Variants in LSAMP observed in about 807,000 individuals in gnomAD.
The protein encoded by LSAMP is limbic system-associated membrane protein.
In LSAMP, 7 loss-of-function variants were observed where a neutral mutation model predicts 38.6. That is an observed-to-expected ratio of 0.18 (90% confidence interval 0.10 to 0.34). The LOEUF is 0.34. Ranked by LOEUF, LSAMP falls within the 10% of genes least tolerant of loss-of-function variation. The pLI is 1.00. For missense variants in LSAMP, 313 were observed against 420.0 expected (o/e 0.75, Z 2.23); for synonymous variants, 154 against 166.8 (o/e 0.92, Z 0.59).
chr3:115,997,977 C>T (rs750969983), intron 3 of LSAMP, among the ~76,000 whole-genome samples: 2 of 147,380 alleles, frequency 1.4e-5, no homozygotes, highest in Non-Finnish European at 3.0e-5. Context: ...TTCTATATAT[C>T]GTGTGTGTGA....
At chr3:116,234,318 G>A (rs147284626) in intron 1 of LSAMP, among the ~76,000 whole-genome samples, 7 of 152,252 alleles carry the variant, frequency 4.6e-5, no homozygotes, top group African/African-American at 7.2e-5. Context: ...ATGAAAGGGC[G>A]TTCACGGGGA....
chr3:116,004,139 T>C (rs576861886), intron 3 of LSAMP, among the ~76,000 whole-genome samples: 1 of 152,304 alleles, frequency 6.6e-6, no homozygotes, highest in East Asian at 1.9e-4. Flanking sequence ...TAATATTTAT[T>C]ACTAAAAATC....
rs569225248 is a variant in LSAMP at position 116,102,585 on chromosome 3, A to T, written c.156-16029T>A. On this transcript the variant is annotated intron_variant, in intron 1 of 6. Coordinates refer to ENST00000490035, the MANE Select transcript of LSAMP (RefSeq NM_002338.5). ...AAGGCCTGAATAGAATAAAAGGCTA[A>T]GTAAGAAAGAATTATCTCTCATTAC... 3.9e-3 allele frequency among the ~76,000 whole-genome samples: 601 copies of T among 152,348 alleles called. 2 individuals carry two copies. Among genetic ancestry groups the T allele is most frequent in the Admixed American group, 6.9e-3 (106 of 15,292 alleles).
intron 1 of LSAMP, 42 bp downstream of exon 1, chr3:116,444,835 C>T (rs1416451160): frequency 8.7e-6 from 14 of 1,611,422 alleles, no homozygotes; most frequent in South Asian, 2.2e-5. Context: ...CACACACACA[C>T]GTGTAGACGC....
intron 1 of LSAMP, among the ~76,000 whole-genome samples, chr3:116,097,808 C>T (rs981099435): frequency 1.3e-4 from 20 of 151,876 alleles, no homozygotes; most frequent in Non-Finnish European, 1.5e-5. Context: ...TGATCTCAGC[C>T]CACTGCAACC....
intron 2 of LSAMP, among the ~76,000 whole-genome samples, chr3:116,084,036 G>A (rs1348036121): frequency 6.6e-6 from 1 of 152,214 alleles, no homozygotes; most frequent in South Asian, 2.1e-4. Context: ...AAATACAATA[G>A]TATCCTGAAT....
intron 3 of LSAMP, among the ~76,000 whole-genome samples, chr3:115,922,662 C>G (rs1937409197): frequency 6.6e-6 from 1 of 152,126 alleles, no homozygotes; most frequent in Non-Finnish European, 1.5e-5. Flanking sequence ...GAAAAGACAG[C>G]CATCTTACCC....
intron 1 of LSAMP, among the ~76,000 whole-genome samples, chr3:116,298,487 G>GGGA (rs2047366061): frequency 6.6e-6 from 1 of 152,026 alleles, no homozygotes; most frequent in South Asian, 2.1e-4. Context: ...GCTGGAGAAG[G>GGGA]GGAGGAGGAG....
chr3:115,849,207 C>T (rs189257968), intron 4 of LSAMP, among the ~76,000 whole-genome samples: 9 of 152,228 alleles, frequency 5.9e-5, no homozygotes, highest in South Asian at 2.1e-4. Flanking sequence ...TTTAGCTTTC[C>T]GTAAATTCCA....
intron 1 of LSAMP, among the ~76,000 whole-genome samples, chr3:116,134,043 T>G (rs1709191866): frequency 6.6e-6 from 1 of 152,158 alleles, no homozygotes; most frequent in South Asian, 2.1e-4. Context: ...AACTAGAATA[T>G]GATCTGAACA....
At chr3:116,334,681 T>A (rs1476394827) in intron 1 of LSAMP, among the ~76,000 whole-genome samples, 2 of 152,008 alleles carry the variant, frequency 1.3e-5, no homozygotes, top group Non-Finnish European at 2.9e-5. Flanking sequence ...AAGATGATAG[T>A]TTACAAAATT....
intron 1 of LSAMP, among the ~76,000 whole-genome samples, chr3:116,333,205 A>C (rs2047873696): frequency 6.6e-6 from 1 of 152,116 alleles, no homozygotes; most frequent in South Asian, 2.1e-4. Flanking sequence ...GGATATTTTT[A>C]ATGATTGACC....
At chr3:115,921,134 T>A (rs1937373190) in intron 3 of LSAMP, among the ~76,000 whole-genome samples, 1 of 152,138 alleles carries the variant, frequency 6.6e-6, no homozygotes, top group Non-Finnish European at 1.5e-5. Flanking sequence ...TAGTTAGATC[T>A]CATTTTTCTA....
rs567899077 is a variant in LSAMP, at chr3:115,922,960, C to A, written c.515-70343G>T. On this transcript the variant is annotated intron_variant, in intron 3 of 6. Transcript: ENST00000490035. ...CTACCAAACATCCAAAGTATGCTGA[C>A]TTTCTGCCAGCACTGTGAGTGAGGC... Among the ~76,000 whole-genome samples, 3 of 152,316 alleles carry A rather than the reference C, an allele frequency of 2.0e-5. No individual in the cohort carries two copies. The East Asian group carries it at 5.8e-4, about 29-fold the overall frequency.
At chr3:115,911,254 T>C (rs939819293) in intron 3 of LSAMP, among the ~76,000 whole-genome samples, 4 of 152,216 alleles carry the variant, frequency 2.6e-5, no homozygotes, top group Non-Finnish European at 4.4e-5. Flanking sequence ...TAGTGTTTTG[T>C]GGAATGGATG....
chr3:116,379,661 A>G (rs1014343183), intron 1 of LSAMP, among the ~76,000 whole-genome samples: 1 of 152,028 alleles, frequency 6.6e-6, no homozygotes, highest in African/African-American at 2.4e-5. Flanking sequence ...AATCCTTTAT[A>G]GGAAGTCAGA....
At chr3:115,890,377 A>G (rs1052458117) in intron 3 of LSAMP, among the ~76,000 whole-genome samples, 3 of 151,888 alleles carry the variant, frequency 2.0e-5, no homozygotes, top group Admixed American at 1.3e-4. Flanking sequence ...ATAATCCAAC[A>G]AGCACAATTT....
At chr3:116,083,466 T>C (rs555304989) in intron 2 of LSAMP, among the ~76,000 whole-genome samples, 18 of 152,296 alleles carry the variant, frequency 1.2e-4, no homozygotes, top group African/African-American at 4.3e-4. Flanking sequence ...AAAGTGTATT[T>C]AAACAGCAAG....
intron 1 of LSAMP, among the ~76,000 whole-genome samples, chr3:116,385,323 G>C (rs1325069942): frequency 6.6e-6 from 1 of 152,152 alleles, no homozygotes; most frequent in Non-Finnish European, 1.5e-5. Context: ...GCTTTAAAGT[G>C]TTATGATTCT....
Sources: allele counts gnomAD v4.1 joint callset (sites outside exome capture counted in the v4.1 genomes callset), GRCh38; gene constraint gnomAD v4.1.1; transcripts MANE v1.5; gene names NCBI Gene and HGNC (gene_info 2026-07-23, HGNC 2026-07-21).